RAMP1: variants seen among roughly 807,000 people sequenced by gnomAD.
RAMP1 encodes the protein receptor activity modifying protein 1.
A neutral mutation model predicts 8.2 loss-of-function variants in RAMP1; 7 were observed. That is an observed-to-expected ratio of 0.85 (90% CI 0.49 to 1.60). The LOEUF (loss-of-function observed/expected upper bound fraction) is 1.60, where lower values mean the gene tolerates loss of function less well. Ranked by LOEUF, RAMP1 falls within the 40% of genes most tolerant of loss-of-function variation. The probability of loss-of-function intolerance (pLI) is 0.00; values close to 1 mark genes in which losing one functional copy is unlikely to be tolerated. For missense variants in RAMP1, 192 were observed against 202.4 expected (o/e 0.95, Z 0.31); for synonymous variants, 92 against 84.7 (o/e 1.09, Z -0.47).
chr2:237,872,585 C>G (rs2062258058), intron 1 of RAMP1, among the ~76,000 whole-genome samples: 1 of 152,318 alleles, frequency 6.6e-6, no homozygotes, highest in South Asian at 2.1e-4. Context: ...GGTCTCTGAC[C>G]TCACCATGCC....
intron 2 of RAMP1, among the ~76,000 whole-genome samples, chr2:237,898,646 C>G (rs1272717227): frequency 6.6e-6 from 1 of 152,242 alleles, no homozygotes; most frequent in Non-Finnish European, 1.5e-5. Context: ...GTGCCCAGTT[C>G]TCTGCTGCCT....
chr2:237,889,513 A>G (rs1191515289), intron 2 of RAMP1, among the ~76,000 whole-genome samples: 2 of 152,194 alleles, frequency 1.3e-5, no homozygotes, highest in African/African-American at 4.8e-5. Flanking sequence ...ATTTTTACTT[A>G]TATTCTGGGG....
At position 237,877,972 on chromosome 2, in the gene RAMP1, C is replaced by T; in HGVS notation, c.191+610C>T. ...TGGGTGCTGGGCCCCCATCAGCAGG[C>T]CGGGGGGTTCTCCCCAGCAGGCCCA... On this transcript the variant is annotated intron_variant, in intron 2 of 2. Coordinates refer to ENST00000254661, the MANE Select transcript of RAMP1 (RefSeq NM_005855.4). The surrounding 1 kb of genome is among the most constrained non-coding windows in gnomAD (Gnocchi z 4.4). 1 of 985,412 alleles carries T rather than the reference C, an allele frequency of 1.0e-6. No individual in the cohort carries two copies. The highest frequency in any genetic ancestry group is 5.2e-4 in the Middle Eastern group (1 of 1,914). 61.0% of individuals were successfully genotyped at this position (985,412 alleles called of 1,614,324 possible).
At chr2:237,906,404 G>A (rs2062651873) in intron 2 of RAMP1, among the ~76,000 whole-genome samples, 2 of 152,172 alleles carry the variant, frequency 1.3e-5, no homozygotes, top group Non-Finnish European at 2.9e-5. Flanking sequence ...TACGATAGGG[G>A]CGGGGGTAGA....
intron 2 of RAMP1, among the ~76,000 whole-genome samples, chr2:237,879,217 C>T (rs1254289022): frequency 6.6e-6 from 1 of 152,142 alleles, no homozygotes; most frequent in Admixed American, 6.5e-5. Flanking sequence ...CTCTCCCCCG[C>T]CTGCTTTGTG....
At chr2:237,874,825 G>GA (rs1386626671) in intron 1 of RAMP1, 1 of 553,248 alleles carries the variant, frequency 1.8e-6, no homozygotes, top group Non-Finnish European at 2.3e-6. Context: ...TCTGAGAAAA[G>GA]AAAGAGACCC....
intron 1 of RAMP1, 38 bp downstream of exon 1, chr2:237,859,765 C>G: frequency 6.7e-7 from 1 of 1,490,020 alleles, no homozygotes; most frequent in Admixed American, 2.3e-5. Flanking sequence ...GCTCCCTTCC[C>G]CTGGCCAGCC....
chr2:237,903,884 T>TG (rs1204174158), intron 2 of RAMP1, among the ~76,000 whole-genome samples: 2 of 152,138 alleles, frequency 1.3e-5, no homozygotes, highest in Non-Finnish European at 2.9e-5. Flanking sequence ...TTGGTAGAGT[T>TG]GGGGTTTCAC....
rs376135133 is a variant in RAMP1 at position 237,862,552 on chromosome 2, G to A, written c.52+2825G>A. Reference sequence around the variant, plus strand: ...GTCCTGATTTTTTTCCCCAGAATGCGCCCATTTCATAGCTTCTAATCAGTT... The same window carrying A: ...GTCCTGATTTTTTTCCCCAGAATGCACCCATTTCATAGCTTCTAATCAGTT... On this transcript the variant is annotated intron_variant, in intron 1 of 2. Transcript: ENST00000254661. This position sits in a 1 kb window ranked among gnomAD's most constrained non-coding sequence, Gnocchi z 4.0. 1.9e-4 allele frequency among the ~76,000 whole-genome samples: 29 copies of A among 152,280 alleles called. No individual in the cohort carries two copies. Among genetic ancestry groups the A allele is most frequent in the Middle Eastern group, 3.4e-3 (1 of 294 alleles).
chr2:237,908,260 G>A (rs1322448255), intron 2 of RAMP1, among the ~76,000 whole-genome samples: 1 of 152,198 alleles, frequency 6.6e-6, no homozygotes, highest in Non-Finnish European at 1.5e-5. Flanking sequence ...AAGGCTTGGG[G>A]TGGGTTCTCT....
At chr2:237,897,506 T>C (rs893206504) in intron 2 of RAMP1, among the ~76,000 whole-genome samples, 23 of 152,198 alleles carry the variant, frequency 1.5e-4, no homozygotes, top group African/African-American at 5.1e-4. Context: ...CAAGATTCTT[T>C]CTTTGGTGCG....
chr2:237,906,129 C>T (rs1283507647), intron 2 of RAMP1, among the ~76,000 whole-genome samples: 1 of 152,038 alleles, frequency 6.6e-6, no homozygotes, highest in Non-Finnish European at 1.5e-5. Flanking sequence ...GGCCACATAA[C>T]GTGCACTCAT....
chr2:237,894,502 G>A (rs577910687), intron 2 of RAMP1, among the ~76,000 whole-genome samples: 47 of 152,290 alleles, frequency 3.1e-4, no homozygotes, highest in Non-Finnish European at 2.6e-4. Context: ...CAGGCCATAC[G>A]TCCTCAGACC....
chr2:237,876,648 C>T (rs1453866516), intron 1 of RAMP1, among the ~76,000 whole-genome samples: 1 of 150,182 alleles, frequency 6.7e-6, no homozygotes, highest in Non-Finnish European at 1.5e-5. Flanking sequence ...CTCCCCGCCA[C>T]CCCCGCCCCC....
At chr2:237,860,309 C>T (rs1025875630) in intron 1 of RAMP1, among the ~76,000 whole-genome samples, 9 of 152,060 alleles carry the variant, frequency 5.9e-5, no homozygotes, top group Admixed American at 3.3e-4. Flanking sequence ...CTTTTCGGGA[C>T]ACTTCCATCG....
chr2:237,871,888 A>T (rs2062248984), intron 1 of RAMP1, among the ~76,000 whole-genome samples: 1 of 152,196 alleles, frequency 6.6e-6, no homozygotes, highest in African/African-American at 2.4e-5. Context: ...AAACCACTAG[A>T]TACGGTGATG....
chr2:237,883,487 A>C (rs1480022162), intron 2 of RAMP1, among the ~76,000 whole-genome samples: 1 of 152,096 alleles, frequency 6.6e-6, no homozygotes, highest in African/African-American at 2.4e-5. Flanking sequence ...TCCCTGCTTT[A>C]CTCAGGACGT....
intron 2 of RAMP1, among the ~76,000 whole-genome samples, chr2:237,894,423 CG>C (rs1375321705): frequency 1.3e-5 from 2 of 152,164 alleles, no homozygotes; most frequent in Non-Finnish European, 2.9e-5. Flanking sequence ...CAGGAGGAGC[CG>C]GGGGCAGTGC....
At chr2:237,909,319 G>A (rs1305625289) in intron 2 of RAMP1, among the ~76,000 whole-genome samples, 1 of 152,100 alleles carries the variant, frequency 6.6e-6, no homozygotes, top group African/African-American at 2.4e-5. Flanking sequence ...GGGTAACAGC[G>A]GTCCCCGAGC....
Sources: gnomAD v4.1 joint callset for allele counts (sites outside exome capture counted in the v4.1 genomes callset) on GRCh38, gnomAD v4.1.1 for gene constraint, Gnocchi (gnomAD v3.1) non-coding constraint, MANE v1.5 for transcripts, NCBI Gene and HGNC (gene_info 2026-07-23, HGNC 2026-07-21) for gene names.